FANCD2OS: variants seen among roughly 807,000 people sequenced by gnomAD.
FANCD2OS encodes FANCD2 opposite strand.
Under a neutral mutation model 13.2 loss-of-function variants are expected in FANCD2OS, and 11 were observed. The ratio of observed to expected loss-of-function variants is 0.83; its 90% CI spans 0.52 to 1.38. The LOEUF (loss-of-function observed/expected upper bound fraction) is 1.38. Among genes scored for constraint, FANCD2OS ranks in the 40% most tolerant of loss-of-function variants. The pLI, the probability that FANCD2OS is intolerant of heterozygous loss-of-function variation, is 0.00. For missense variants in FANCD2OS, 217 were observed against 213.9 expected (o/e 1.01, Z -0.09); for synonymous variants, 69 against 84.5 (o/e 0.82, Z 1.01).
chr3:10,084,570 C>CA (rs1363047434), intron 2 of FANCD2OS, among the ~76,000 whole-genome samples: 3 of 152,038 alleles, frequency 2.0e-5, no homozygotes, highest in Non-Finnish European at 2.9e-5. Flanking sequence ...AAAGTGCTGG[C>CA]ATTAGAGGCG....
At chr3:10,096,258 T>C (rs1575869197) in intron 2 of FANCD2OS, 4 of 1,523,968 alleles carry the variant, frequency 2.6e-6, no homozygotes, top group Non-Finnish European at 3.6e-6. Flanking sequence ...CATTCAAAGG[T>C]TTCTATAAGA....
intron 2 of FANCD2OS, among the ~76,000 whole-genome samples, chr3:10,093,613 C>G (rs1052245220): frequency 6.6e-6 from 1 of 152,092 alleles, no homozygotes; most frequent in South Asian, 2.1e-4. Flanking sequence ...CATTCCTTAC[C>G]AGGCAAAAGG....
intron 2 of FANCD2OS, chr3:10,081,656 A>T (rs1465073652): frequency 1.6e-6 from 1 of 628,206 alleles, no homozygotes; most frequent in African/African-American, 1.8e-5. Context: ...CTTTGGAGCC[A>T]CTATGTTAAC....
At chr3:10,102,361 T>C (rs1695336353), downstream of FANCD2OS, among the ~76,000 whole-genome samples, 1 of 151,614 alleles carries the variant, frequency 6.6e-6, no homozygotes, top group South Asian at 2.1e-4. Context: ...ACCAGGCTGG[T>C]CTTGAACTCC....
chr3:10,096,236 G>T, intron 2 of FANCD2OS: 1 of 1,380,652 alleles, frequency 7.2e-7, no homozygotes. Flanking sequence ...CAGGGCTTGT[G>T]TTCTTATTCA....
intron 2 of FANCD2OS, chr3:10,088,458 C>A (rs2125076532): frequency 6.2e-7 from 1 of 1,606,548 alleles, no homozygotes; most frequent in Non-Finnish European, 8.5e-7. Context: ...GCTTCCCTTG[C>A]CAGACAATTC....
chr3:10,089,183 G>C (rs941044481), intron 2 of FANCD2OS, among the ~76,000 whole-genome samples: 41 of 152,036 alleles, frequency 2.7e-4, no homozygotes, highest in African/African-American at 9.9e-4. Context: ...TACTTAGGAG[G>C]CTGAGGTAGG....
At chr3:10,103,094 T>TAAA, downstream of FANCD2OS, 1 of 406,032 alleles carries the variant, frequency 2.5e-6, no homozygotes, top group East Asian at 8.2e-5. Context: ...CCATCTCTAC[T>TAAA]AAAAAAAAAA....
chr3:10,099,006 A>AGAATCACTCCT (rs1287288795), downstream of FANCD2OS: 43 of 1,613,510 alleles, frequency 2.7e-5, 1 homozygote, highest in Non-Finnish European at 3.6e-5. Context: ...ACACAATCTT[A>AGAATCACTCCT]GAATCACTCC....
chr3:10,096,237 T>C, intron 2 of FANCD2OS: 1 of 1,400,882 alleles, frequency 7.1e-7, no homozygotes, highest in African/African-American at 1.4e-5. Flanking sequence ...AGGGCTTGTG[T>C]TCTTATTCAA....
downstream of FANCD2OS, among the ~76,000 whole-genome samples, chr3:10,103,292 C>A (rs1224715557): frequency 6.6e-6 from 1 of 152,182 alleles, no homozygotes; most frequent in Non-Finnish European, 1.5e-5. Context: ...ATCCCAGCTA[C>A]TAGGGAGGCT....
chr3:10,084,380 C>G (rs1179123714), intron 2 of FANCD2OS, among the ~76,000 whole-genome samples: 1 of 151,646 alleles, frequency 6.6e-6, no homozygotes, highest in Non-Finnish European at 1.5e-5. Flanking sequence ...CAACCTCTGA[C>G]TCCCAGGCTA....
At chr3:10,088,519 T>C in intron 2 of FANCD2OS, 1 of 1,607,076 alleles carries the variant, frequency 6.2e-7, no homozygotes, top group Non-Finnish European at 8.5e-7. Context: ...ACATCTCTAA[T>C]GACCAGCTCC....
At chr3:10,092,773 G>C (rs1694729592) in intron 2 of FANCD2OS, among the ~76,000 whole-genome samples, 1 of 141,228 alleles carries the variant, frequency 7.1e-6, no homozygotes, top group South Asian at 2.3e-4. Context: ...GCTCACTGCA[G>C]CCTCAACCTC....
intron 2 of FANCD2OS, among the ~76,000 whole-genome samples, chr3:10,082,531 G>A (rs1003888746): frequency 6.6e-6 from 1 of 152,070 alleles, no homozygotes; most frequent in South Asian, 2.1e-4. Context: ...TCTGACTCCT[G>A]CTATTCCACT....
chr3:10,090,417 G>A (rs772558102), intron 2 of FANCD2OS: 20 of 1,224,630 alleles, frequency 1.6e-5, no homozygotes, highest in African/African-American at 1.1e-4. Context: ...TCAAGAAGTG[G>A]ACTTTGGATT....
chr3:10,086,350 G>C (rs921598717), intron 2 of FANCD2OS, among the ~76,000 whole-genome samples: 12 of 152,156 alleles, frequency 7.9e-5, no homozygotes, highest in African/African-American at 2.9e-4. Context: ...GAGGTGACAT[G>C]ATCTCAGGGG....
downstream of FANCD2OS, among the ~76,000 whole-genome samples, chr3:10,103,752 A>G (rs972963038): frequency 1.3e-5 from 2 of 152,000 alleles, no homozygotes. Flanking sequence ...TGTACACTCT[A>G]GTGGTATTAG....
rs568515612 is a variant in FANCD2OS, at chr3:10,090,359, C to A, written c.*44-8828G>T. The A allele has an allele frequency of 1.2e-6, 2 of 1,611,404 alleles. No homozygotes were observed. The highest frequency in any genetic ancestry group is 2.2e-5 in the South Asian group (2 of 91,032). On this transcript the variant is annotated intron_variant, in intron 2 of 2. Coordinates refer to the FANCD2OS transcript ENST00000524279. Reference sequence around the variant, plus strand: ...AGAGAAGACGGTGAAAAAAATTGAGCCTGGCACAGCAGCAGACTCGCAGCA... The same window carrying A: ...AGAGAAGACGGTGAAAAAAATTGAGACTGGCACAGCAGCAGACTCGCAGCA...
Sources: gnomAD v4.1 joint callset for allele counts (sites outside exome capture counted in the v4.1 genomes callset) on GRCh38, gnomAD v4.1.1 for gene constraint, MANE v1.5 for transcripts, NCBI Gene and HGNC (gene_info 2026-07-23, HGNC 2026-07-21) for gene names.